Variants in FUT8 observed in about 807,000 individuals in gnomAD.
FUT8 encodes fucosyltransferase 8.
A neutral mutation model predicts 71.3 loss-of-function variants in FUT8; 29 were observed. The ratio of observed to expected loss-of-function variants is 0.41; its 90% confidence interval spans 0.30 to 0.55. The LOEUF (loss-of-function observed/expected upper bound fraction) is 0.55, where lower values mean the gene tolerates loss of function less well. Among genes scored for constraint, FUT8 ranks in the 20% least tolerant of loss-of-function variants. The probability of loss-of-function intolerance (pLI) is 0.34; values close to 1 mark genes in which losing one functional copy is unlikely to be tolerated. For missense variants in FUT8, 544 were observed against 702.1 expected, an observed-to-expected ratio of 0.77 and a Z score of 2.55; for synonymous variants, 254 against 239.3, an observed-to-expected ratio of 1.06 and a Z score of -0.57.
At chr14:65,384,748 CT>C in the FUT8 span, among the ~76,000 whole-genome samples, 1 of 152,220 alleles carries the variant, frequency 6.6e-6, no homozygotes, top group African/African-American at 2.4e-5. The surrounding 1 kb of genome is among the most constrained non-coding windows in gnomAD (Gnocchi z 4.2). Context: ...TTCTCAGCCT[CT>C]GTCGGGAAGA....
At chr14:65,552,799 T>G (rs1195795572) in intron 2 of FUT8, among the ~76,000 whole-genome samples, 1 of 152,250 alleles carries the variant, frequency 6.6e-6, no homozygotes, top group Non-Finnish European at 1.5e-5. Context: ...TTTTCTTTGC[T>G]ATACCTTTTT....
At chr14:65,733,991 G>T (rs1223532182) in intron 10 of FUT8, among the ~76,000 whole-genome samples, 1 of 152,156 alleles carries the variant, frequency 6.6e-6, no homozygotes, top group Non-Finnish European at 1.5e-5. Context: ...AGCCAGCTTT[G>T]TATGCCCTGT....
rs1889959974 is a variant in FUT8 at position 65,627,496 on chromosome 14, T to C, written c.483-1996T>C. 1.3e-5 allele frequency among the ~76,000 whole-genome samples: 2 copies of C among 152,230 alleles called. No individual in the cohort carries two copies. The highest frequency in any genetic ancestry group is 4.8e-5 in the African/African-American group (2 of 41,458). On this transcript the variant is annotated intron_variant, in intron 5 of 10. Transcript: ENST00000673929. The surrounding 1 kb of genome is among the most constrained non-coding windows in gnomAD (Gnocchi z 4.0). ...TCAAGTGTGCTGTCTGACCATTGAC[T>C]TGGGCCTGTATATATTGCTATGGTT...
intron 6 of FUT8, among the ~76,000 whole-genome samples, chr14:65,640,616 T>C (rs894131048): frequency 5.3e-5 from 8 of 152,132 alleles, no homozygotes; most frequent in Admixed American, 2.0e-4. Context: ...TTGTGTTCTC[T>C]AACATAATAC....
chr14:65,594,882 TG>T (rs1205843426), intron 3 of FUT8, among the ~76,000 whole-genome samples: 4 of 152,016 alleles, frequency 2.6e-5, no homozygotes, highest in African/African-American at 9.7e-5. Context: ...AGGCACAGAA[TG>T]GGGGTTGGGA....
intron 2 of FUT8, chr14:65,471,074 G>A (rs754187483): frequency 2.1e-6 from 1 of 466,764 alleles, no homozygotes; most frequent in Admixed American, 2.4e-5. Flanking sequence ...ATCCTGTGTT[G>A]TACAAGAGCT....
At chr14:65,435,523 G>A (rs993362728) in intron 1 of FUT8, among the ~76,000 whole-genome samples, 1 of 152,194 alleles carries the variant, frequency 6.6e-6, no homozygotes, top group African/African-American at 2.4e-5. Flanking sequence ...AAGACGTTTA[G>A]CTTATTGCTG....
chr14:65,668,689 A>C (rs1166290850), intron 6 of FUT8, among the ~76,000 whole-genome samples: 1 of 152,206 alleles, frequency 6.6e-6, no homozygotes, highest in East Asian at 1.9e-4. Flanking sequence ...TATATAACCA[A>C]AGGAATATAA....
chr14:65,610,361 AAATTTCCTT>A (rs1888819081), intron 3 of FUT8, among the ~76,000 whole-genome samples: 1 of 151,074 alleles, frequency 6.6e-6, no homozygotes, highest in African/African-American at 2.4e-5. Context: ...CAGGTTGAGG[AAATTTCCTT>A]AATTTCCTAG....
intron 7 of FUT8, among the ~76,000 whole-genome samples, chr14:65,693,021 G>C (rs928756669): frequency 4.0e-5 from 6 of 151,812 alleles, no homozygotes; most frequent in African/African-American, 1.2e-4. Flanking sequence ...TCACTTTCCA[G>C]ACTGGGCAGC....
At chr14:65,542,816 C>T (rs1172834089) in intron 2 of FUT8, among the ~76,000 whole-genome samples, 4 of 151,734 alleles carry the variant, frequency 2.6e-5, no homozygotes, top group African/African-American at 7.3e-5. Flanking sequence ...GAGTTTTGCT[C>T]TTGTTGCCCA....
chr14:65,549,313 A>ATT (rs34042238), intron 2 of FUT8, among the ~76,000 whole-genome samples: 79 of 145,588 alleles, frequency 5.4e-4, no homozygotes, highest in African/African-American at 1.5e-3. Context: ...TAGTTTTGTC[A>ATT]TTTTTTTTTT....
At chr14:65,494,849 C>T (rs1053705106) in intron 2 of FUT8, among the ~76,000 whole-genome samples, 4 of 151,874 alleles carry the variant, frequency 2.6e-5, no homozygotes, top group Admixed American at 2.0e-4. Flanking sequence ...ATTTTTTATA[C>T]TTAAGGAAGT....
intron 2 of FUT8, among the ~76,000 whole-genome samples, chr14:65,493,804 T>G (rs879813914): frequency 1.3e-5 from 2 of 152,078 alleles, no homozygotes; most frequent in Non-Finnish European, 2.9e-5. Flanking sequence ...TTCTCCTTTT[T>G]TTTTTCTAAG....
At chr14:65,409,953 G>C (rs2065105166), upstream of FUT8, among the ~76,000 whole-genome samples, 1 of 152,146 alleles carries the variant, frequency 6.6e-6, no homozygotes, top group African/African-American at 2.4e-5. This position sits in a 1 kb window ranked among gnomAD's most constrained non-coding sequence, Gnocchi z 5.4. Flanking sequence ...ACTTACTTAA[G>C]CAACTATTAC....
chr14:65,456,377 T>G (rs1016081452), intron 2 of FUT8, among the ~76,000 whole-genome samples: 2 of 152,176 alleles, frequency 1.3e-5, no homozygotes, highest in African/African-American at 4.8e-5. Context: ...AATAATATAT[T>G]TGAGGTTTAT....
intron 2 of FUT8, chr14:65,528,787 T>C (rs1244721185): frequency 6.6e-6 from 1 of 152,212 alleles, no homozygotes; most frequent in Non-Finnish European, 1.5e-5. Flanking sequence ...ACTGAAGTTA[T>C]ATGGCTTCAT....
At chr14:65,360,184 A>G in the FUT8 span, among the ~76,000 whole-genome samples, 4 of 152,196 alleles carry the variant, frequency 2.6e-5, no homozygotes, top group African/African-American at 7.2e-5. Context: ...GCATCCTCTG[A>G]TAACTGGTAA....
the FUT8 span, among the ~76,000 whole-genome samples, chr14:65,402,363 G>A: frequency 6.6e-6 from 1 of 150,802 alleles, no homozygotes; most frequent in Non-Finnish European, 1.5e-5. Context: ...ATCATGCCCA[G>A]CTAATTAAAA....
Sources: gnomAD v4.1 joint callset for allele counts (sites outside exome capture counted in the v4.1 genomes callset) on GRCh38, gnomAD v4.1.1 for gene constraint, Gnocchi (gnomAD v3.1) non-coding constraint, MANE v1.5 for transcripts, NCBI Gene and HGNC (gene_info 2026-07-23, HGNC 2026-07-21) for gene names.